Variants in NAV2 observed in about 807,000 individuals in gnomAD.
NAV2 encodes the protein neuron navigator 2.
A neutral mutation model predicts 223.2 loss-of-function variants in NAV2; 54 were observed. The observed-to-expected ratio is 0.24, with a 90% CI of 0.19 to 0.30. NAV2 has a LOEUF of 0.30. NAV2 is among the 10% of genes least tolerant of loss of function. The probability of loss-of-function intolerance (pLI) is 1.00; values close to 1 mark genes in which losing one functional copy is unlikely to be tolerated. For missense variants in NAV2, 2,806 were observed against 3,147.5 expected, an observed-to-expected ratio of 0.89 and a Z score of 2.60; for synonymous variants, 1,279 against 1,239.3, an observed-to-expected ratio of 1.03 and a Z score of -0.67.
At chr11:19,878,295 A>C (rs544518618) in intron 4 of NAV2, among the ~76,000 whole-genome samples, 1 of 152,318 alleles carries the variant, frequency 6.6e-6, no homozygotes, top group East Asian at 1.9e-4. Flanking sequence ...CTGTATGAGA[A>C]TCTCATTCAG....
At chr11:19,936,721 C>T (rs181080961) in intron 7 of NAV2, among the ~76,000 whole-genome samples, 1 of 152,292 alleles carries the variant, frequency 6.6e-6, no homozygotes, top group Non-Finnish European at 1.5e-5. Context: ...GTACAGAGTC[C>T]GCTAAGGGCT....
intron 11 of NAV2, among the ~76,000 whole-genome samples, chr11:20,000,321 C>A (rs1431204101): frequency 6.6e-6 from 1 of 152,190 alleles, no homozygotes; most frequent in African/African-American, 2.4e-5. Context: ...TGGATTTGAA[C>A]TTCTCATGGA....
chr11:20,032,794 AG>A (rs2055908526), intron 11 of NAV2, among the ~76,000 whole-genome samples: 1 of 152,194 alleles, frequency 6.6e-6, no homozygotes, highest in South Asian at 2.1e-4. Context: ...ACTGGTGGTG[AG>A]TTTGCAGCAG....
intron 6 of NAV2, among the ~76,000 whole-genome samples, chr11:19,892,941 G>C (rs1206166021): frequency 6.6e-6 from 1 of 152,046 alleles, no homozygotes; most frequent in Admixed American, 6.5e-5. Flanking sequence ...CAAGCTTCTT[G>C]GAGCATGCAT....
chr11:19,436,321 T>C (rs1417469712), intron 1 of NAV2, among the ~76,000 whole-genome samples: 2 of 152,204 alleles, frequency 1.3e-5, no homozygotes, highest in East Asian at 1.9e-4. Context: ...AAATTGTTTA[T>C]TTAAGAGACT....
intron 1 of NAV2, among the ~76,000 whole-genome samples, chr11:19,395,225 C>T (rs1849401477): frequency 6.6e-6 from 1 of 152,246 alleles, no homozygotes; most frequent in Non-Finnish European, 1.5e-5. Context: ...CGTGTTAGTG[C>T]ATTCACATTC....
intron 1 of NAV2, among the ~76,000 whole-genome samples, chr11:19,695,807 G>A (rs943826270): frequency 6.6e-6 from 1 of 151,660 alleles, no homozygotes; most frequent in East Asian, 1.9e-4. Flanking sequence ...AGGAGGCTGA[G>A]GCAGGAGAAT....
chr11:20,090,760 G>C (rs1164081453), intron 26 of NAV2, 105 bp from the exon 27 acceptor site: 22 of 1,210,910 alleles, frequency 1.8e-5, no homozygotes, highest in Admixed American at 4.3e-5. Flanking sequence ...CAGGCAGCTG[G>C]TTATTCACAG....
intron 1 of NAV2, among the ~76,000 whole-genome samples, chr11:19,706,956 G>C (rs2049682817): frequency 6.6e-6 from 1 of 152,168 alleles, no homozygotes; most frequent in South Asian, 2.1e-4. Flanking sequence ...TTGATGTACT[G>C]ATTACCATAG....
At chr11:19,661,627 T>C (rs371742948) in intron 1 of NAV2, among the ~76,000 whole-genome samples, 1 of 152,224 alleles carries the variant, frequency 6.6e-6, no homozygotes, top group African/African-American at 2.4e-5. Context: ...AAATATACTG[T>C]ATTTCAGTAT....
chr11:19,709,504 G>A (rs1393474566), upstream of NAV2, among the ~76,000 whole-genome samples: 1 of 140,520 alleles, frequency 7.1e-6, no homozygotes, highest in Non-Finnish European at 1.5e-5. Context: ...CCAATATCGT[G>A]CCACTGCACT....
chr11:19,963,027 A>G (rs1321031314), intron 10 of NAV2, among the ~76,000 whole-genome samples: 1 of 152,232 alleles, frequency 6.6e-6, no homozygotes, highest in Admixed American at 6.5e-5. Context: ...TGTCAGAAAC[A>G]TGGGACGAAA....
chr11:19,431,116 C>G (rs1851022060), intron 1 of NAV2, among the ~76,000 whole-genome samples: 1 of 152,230 alleles, frequency 6.6e-6, no homozygotes, highest in Non-Finnish European at 1.5e-5. Flanking sequence ...TGCCTGGAAG[C>G]TGCCCACAGC....
At chr11:20,004,710 A>C (rs1362518202) in intron 11 of NAV2, among the ~76,000 whole-genome samples, 4 of 152,126 alleles carry the variant, frequency 2.6e-5, no homozygotes. Context: ...TCACATTACA[A>C]ACATGAAGCC....
chr11:19,397,679 G>A (rs1380313803), intron 1 of NAV2, among the ~76,000 whole-genome samples: 3 of 152,040 alleles, frequency 2.0e-5, no homozygotes, highest in Admixed American at 6.6e-5. Context: ...AATAAAAATG[G>A]CCTCTAAATT....
At chr11:19,615,419 G>C (rs911274985) in intron 1 of NAV2, among the ~76,000 whole-genome samples, 1 of 151,932 alleles carries the variant, frequency 6.6e-6, no homozygotes, top group East Asian at 1.9e-4. Flanking sequence ...TAAGTTATAC[G>C]TAATGTCTTA....
chr11:20,012,117 G>A (rs2053607585), intron 11 of NAV2, among the ~76,000 whole-genome samples: 1 of 152,208 alleles, frequency 6.6e-6, no homozygotes, highest in Admixed American at 6.5e-5. Flanking sequence ...TATGGTGTTT[G>A]GAAGAAAGTT....
At chr11:19,883,340 C>A (rs2153100093) in intron 5 of NAV2, among the ~76,000 whole-genome samples, 1 of 152,304 alleles carries the variant, frequency 6.6e-6, no homozygotes, top group Non-Finnish European at 1.5e-5. Context: ...CATAGAGGCT[C>A]ACTTTGCTTC....
chr11:20,078,207 C>T (rs1356852254), intron 24 of NAV2, 103 bp downstream of exon 24: 10 of 822,354 alleles, frequency 1.2e-5, no homozygotes, highest in Admixed American at 5.3e-5. Flanking sequence ...ACAGTGTCTG[C>T]GTAATTCAGC....
Sources: gnomAD v4.1 joint callset for allele counts (sites outside exome capture counted in the v4.1 genomes callset) on GRCh38, gnomAD v4.1.1 for gene constraint, MANE v1.5 for transcripts, NCBI Gene and HGNC (gene_info 2026-07-23, HGNC 2026-07-21) for gene names.